Variants in ELF1 observed in about 807,000 individuals in gnomAD.
ELF1 encodes the protein E74 like ETS transcription factor 1, also known as ETS-related transcription factor Elf-1.
A neutral mutation model predicts 59.9 loss-of-function variants in ELF1; 24 were observed. That is an observed-to-expected ratio of 0.40 (90% CI 0.29 to 0.56). ELF1 has a LOEUF of 0.56. Among genes scored for constraint, ELF1 ranks in the 20% least tolerant of loss-of-function variants. The pLI is 0.44. For missense variants in ELF1, 627 were observed against 742.2 expected, an observed-to-expected ratio of 0.84 and a Z score of 1.80; for synonymous variants, 248 against 266.2, an observed-to-expected ratio of 0.93 and a Z score of 0.67.
At chr13:40,955,421 G>T (rs1270912838) in intron 3 of ELF1, among the ~76,000 whole-genome samples, 1 of 138,660 alleles carries the variant, frequency 7.2e-6, no homozygotes, top group Non-Finnish European at 1.6e-5. Flanking sequence ...GGAAGGAGGT[G>T]GGGGGGTCAG....
intron 1 of ELF1, among the ~76,000 whole-genome samples, chr13:41,036,884 C>G (rs1162931064): frequency 4.7e-5 from 7 of 149,778 alleles, no homozygotes; most frequent in Non-Finnish European, 1.0e-4. Context: ...TGTTCTCACT[C>G]ATAGGTGGGA....
chr13:40,956,472 A>C (rs1593361350), intron 3 of ELF1, among the ~76,000 whole-genome samples: 1 of 149,314 alleles, frequency 6.7e-6, no homozygotes, highest in Non-Finnish European at 1.5e-5. Context: ...AAAACCAAAG[A>C]CCTTTGTTCA....
chr13:40,933,264 G>A lies in ELF1; in HGVS notation c.*161C>T. 3.5e-6 allele frequency: 3 copies of A among 867,628 alleles called. No homozygotes were observed. The highest frequency in any genetic ancestry group is 5.1e-6 in the Non-Finnish European group (3 of 592,084). 53.7% of individuals were successfully genotyped at this position (867,628 alleles called of 1,614,324 possible). On this transcript the variant is annotated 3_prime_UTR_variant, in exon 9 of 9. Coordinates refer to ENST00000239882, the MANE Select transcript of ELF1 (RefSeq NM_172373.4). ...AACATTTAGATAACAAAGAGAAACA[G>A]TTGAGTTTTCCTCCCTCATCTAACA... is the stretch of plus-strand genomic sequence containing the variant.
intron 1 of ELF1, among the ~76,000 whole-genome samples, chr13:41,034,865 A>G (rs1876311010): frequency 6.6e-6 from 1 of 150,816 alleles, no homozygotes; most frequent in Non-Finnish European, 1.5e-5. Context: ...ACATTTATCC[A>G]TCTTGACTTC....
chr13:41,036,331 T>A (rs990798291), intron 1 of ELF1, among the ~76,000 whole-genome samples: 4 of 152,228 alleles, frequency 2.6e-5, no homozygotes, highest in African/African-American at 9.6e-5. Context: ...GCCATATAGA[T>A]GAACAATTAA....
chr13:41,039,006 CAAAAA>C (rs11405097), intron 1 of ELF1, among the ~76,000 whole-genome samples: 7 of 76,574 alleles, frequency 9.1e-5, no homozygotes, highest in South Asian at 4.8e-4. Flanking sequence ...GAGACTTTGT[CAAAAA>C]AAAAAAAAAA....
intron 3 of ELF1, among the ~76,000 whole-genome samples, chr13:40,952,272 T>C (rs1205862778): frequency 1.3e-5 from 2 of 152,162 alleles, no homozygotes; most frequent in Non-Finnish European, 2.9e-5. Context: ...TAATTTTTTT[T>C]GGCAAGACTA....
intron 2 of ELF1, among the ~76,000 whole-genome samples, chr13:40,973,322 A>G (rs1872696358): frequency 6.6e-6 from 1 of 152,212 alleles, no homozygotes; most frequent in South Asian, 2.1e-4. Context: ...AGCATTTCTA[A>G]CAACAATTCC....
At chr13:40,976,981 C>T (rs1872950626) in intron 2 of ELF1, among the ~76,000 whole-genome samples, 2 of 151,884 alleles carry the variant, frequency 1.3e-5, no homozygotes, top group African/African-American at 4.8e-5. Flanking sequence ...TCATTTTTTC[C>T]ATGTCACCAA....
chr13:41,004,229 GAATA>G (rs1318445207), intron 1 of ELF1, among the ~76,000 whole-genome samples: 1 of 151,992 alleles, frequency 6.6e-6, no homozygotes, highest in African/African-American at 2.4e-5. Context: ...ATGACAGAAT[GAATA>G]GAGAGGGGTA....
At chr13:41,059,411 C>T (rs1029488888) in intron 1 of ELF1, among the ~76,000 whole-genome samples, 20 of 152,180 alleles carry the variant, frequency 1.3e-4, no homozygotes, top group Admixed American at 1.2e-3. Flanking sequence ...TTAATGAAGA[C>T]GATTTAAAAT....
intron 2 of ELF1, among the ~76,000 whole-genome samples, chr13:40,961,218 T>TG (rs1317177798): frequency 3.3e-5 from 5 of 152,250 alleles, no homozygotes; most frequent in Non-Finnish European, 5.9e-5. Flanking sequence ...ATAATATCCT[T>TG]GCCTTCGAGA....
intron 1 of ELF1, among the ~76,000 whole-genome samples, chr13:40,987,696 C>A (rs1474638886): frequency 2.6e-5 from 4 of 151,718 alleles, no homozygotes; most frequent in African/African-American, 9.7e-5. Flanking sequence ...CAGCTTAAAG[C>A]AATGACGTGG....
At chr13:40,981,835 A>T in intron 2 of ELF1, 148 bp downstream of exon 2, 1 of 883,578 alleles carries the variant, frequency 1.1e-6, no homozygotes, top group South Asian at 2.2e-5. Context: ...CTTAAAACAT[A>T]GTATAATATT....
chr13:41,029,474 C>G (rs1370152749), intron 1 of ELF1, among the ~76,000 whole-genome samples: 1 of 152,120 alleles, frequency 6.6e-6, no homozygotes, highest in South Asian at 2.1e-4. Flanking sequence ...CTCAACCTCC[C>G]AGGCTCAGGT....
chr13:40,935,675 A>ATTTT (rs35559263), intron 8 of ELF1, among the ~76,000 whole-genome samples: 17 of 138,150 alleles, frequency 1.2e-4, no homozygotes, highest in East Asian at 1.0e-3. Flanking sequence ...GCCAGATACC[A>ATTTT]TTTTTTTTTT....
intron 1 of ELF1, among the ~76,000 whole-genome samples, chr13:41,041,769 T>C (rs971678788): frequency 2.6e-5 from 4 of 151,920 alleles, no homozygotes; most frequent in Non-Finnish European, 5.9e-5. Flanking sequence ...CACTCCTGAG[T>C]CCTACACCTA....
chr13:40,937,959 G>A (rs1869893837), intron 8 of ELF1, among the ~76,000 whole-genome samples: 1 of 152,036 alleles, frequency 6.6e-6, no homozygotes, highest in Non-Finnish European at 1.5e-5. Context: ...TAGGATTACA[G>A]GTGCCTGCCA....
chr13:40,933,595 T>C lies in ELF1; in HGVS notation c.1690A>G (p.Thr564Ala), dbSNP rs371226401. The C allele has an allele frequency of 6.2e-7, 1 of 1,613,992 alleles. No homozygotes were observed. Among genetic ancestry groups the C allele is most frequent in the African/African-American group, 1.3e-5 (1 of 74,878 alleles). The change falls in exon 9 of 9, where the codon ACT (threonine) becomes GCT (alanine). Residue 564 changes from threonine (T) to alanine (A), a missense_variant. Physicochemically the swap from Thr to Ala is moderately conservative, Grantham distance 58 (BLOSUM62 0). Coordinates refer to ENST00000239882, the MANE Select transcript of ELF1 (RefSeq NM_172373.4). ...TTTTTCTCTACTTCCTGTGTAAGAG[T>C]TTTTGTTTCTTGAGTTTTGATAACT... ...TSVIKTQETK[T>A]LTQEVEKKES...
Sources: gnomAD v4.1 joint callset for allele counts (sites outside exome capture counted in the v4.1 genomes callset) on GRCh38, gnomAD v4.1.1 for gene constraint, MANE v1.5 for transcripts, NCBI Gene and HGNC (gene_info 2026-07-23, HGNC 2026-07-21) for gene names.